Variants in SLC6A20 observed in about 807,000 individuals in gnomAD.
SLC6A20 encodes solute carrier family 6 member 20.
Under a neutral mutation model 64.3 loss-of-function variants are expected in SLC6A20, and 73 were observed. That is an observed-to-expected ratio of 1.14 (90% confidence interval 0.94 to 1.38). The LOEUF (loss-of-function observed/expected upper bound fraction) is 1.38, where lower values mean the gene tolerates loss of function less well. Ranked by LOEUF, SLC6A20 falls within the 40% of genes most tolerant of loss-of-function variation. The pLI is 0.00. For missense variants in SLC6A20, 725 were observed against 772.8 expected (o/e 0.94, Z 0.73); for synonymous variants, 347 against 329.6 (o/e 1.05, Z -0.57).
chr3:45,784,855 A>T (rs1288928886), intron 1 of SLC6A20, among the ~76,000 whole-genome samples: 1 of 152,122 alleles, frequency 6.6e-6, no homozygotes. Context: ...GCATCATCCC[A>T]TGGCAGGAGG....
intron 8 of SLC6A20, among the ~76,000 whole-genome samples, chr3:45,764,842 C>A (rs1699749114): frequency 6.6e-6 from 1 of 151,840 alleles, no homozygotes; most frequent in Non-Finnish European, 1.5e-5. Flanking sequence ...TGTATCTTGA[C>A]CTAGGTGGTG....
At chr3:45,778,512 C>G (rs1207759411) in intron 3 of SLC6A20, among the ~76,000 whole-genome samples, 1 of 152,130 alleles carries the variant, frequency 6.6e-6, no homozygotes, top group Non-Finnish European at 1.5e-5. Flanking sequence ...ATCGCTGGCC[C>G]CCATACTTCT....
At chr3:45,771,156 G>C in intron 6 of SLC6A20, 61 bp downstream of exon 6, 3 of 1,606,956 alleles carry the variant, frequency 1.9e-6, no homozygotes, top group Middle Eastern at 1.7e-4. Context: ...CCCTTGCCCA[G>C]GCGACCCTTC....
chr3:45,792,234 G>A (rs1700266167), intron 1 of SLC6A20, among the ~76,000 whole-genome samples: 1 of 152,190 alleles, frequency 6.6e-6, no homozygotes, highest in Admixed American at 6.5e-5. Context: ...GGGGGTCCTA[G>A]AAAGGCCTGG....
chr3:45,783,153 C>G (rs1429679242), intron 1 of SLC6A20, among the ~76,000 whole-genome samples: 1 of 152,194 alleles, frequency 6.6e-6, no homozygotes, highest in African/African-American at 2.4e-5. Flanking sequence ...AGCAACTCTG[C>G]TCCCTGCCCT....
rs577430886 is a variant in SLC6A20 at position 45,756,748 on chromosome 3, G to A, written c.*2230C>T. 1 of 152,198 alleles carries A rather than the reference G, an allele frequency of 6.6e-6. No homozygotes were observed. Among genetic ancestry groups the A allele is most frequent in the Non-Finnish European group, 1.5e-5 (1 of 68,040 alleles). The allele number at this position is 152,198 out of a possible 1,614,324, so 9.4% of individuals were successfully genotyped here. On this transcript the variant is annotated 3_prime_UTR_variant, in exon 11 of 11. Transcript: ENST00000358525. ...AGGAAGGGACTCGCTCACTTTAGGG[G>A]TAACGACCTACTTTATTGCAGTTAA...
Position 45,762,950 on chromosome 3 carries a change from C to A in SLC6A20, c.1426G>T (p.Glu476Ter). 1 of 1,614,154 alleles carries A rather than the reference C, an allele frequency of 6.2e-7. No homozygotes were observed. The highest frequency in any genetic ancestry group is 8.5e-7 in the Non-Finnish European group (1 of 1,180,042). ...TLSLLLIVLV[E>*]TIAVCYVYGL... ...TACACGTAGCACACGGCAATCGTCT[C>A]CACCAGCACGATGAGCAGCAGGGAC... The change falls in exon 9 of 11, where the codon GAG becomes TAG. Residue 476 changes from glutamate (E) to a stop codon, truncating the protein, a stop_gained. Coordinates refer to ENST00000358525, the MANE Select transcript of SLC6A20 (RefSeq NM_020208.4). LOFTEE classifies it high-confidence loss of function.
chr3:45,765,873 T>G lies in SLC6A20; in HGVS notation c.1099-132A>C. On this transcript the variant is annotated intron_variant, in intron 7 of 10. Coordinates refer to ENST00000358525, the MANE Select transcript of SLC6A20 (RefSeq NM_020208.4). This position sits in a 1 kb window ranked among gnomAD's most constrained non-coding sequence, Gnocchi z 4.2. ...CCACATTGTGAGGTTGGAGCTTCCA[T>G]CTGCAGATCAACCCCTTACACTCAG... 1.1e-6 allele frequency: 1 copy of G among 924,914 alleles called. No homozygotes were observed. The highest frequency in any genetic ancestry group is 2.6e-5 in the East Asian group (1 of 38,602). 57.3% of individuals were successfully genotyped at this position (924,914 alleles called of 1,614,324 possible).
intron 7 of SLC6A20, among the ~76,000 whole-genome samples, chr3:45,768,585 G>A (rs1002056834): frequency 6.6e-6 from 1 of 152,212 alleles, no homozygotes; most frequent in Non-Finnish European, 1.5e-5. Context: ...GCAGGCTCAT[G>A]CCACAGGCCA....
At chr3:45,777,322 A>G (rs1287663108) in intron 3 of SLC6A20, among the ~76,000 whole-genome samples, 1 of 149,394 alleles carries the variant, frequency 6.7e-6, no homozygotes, top group Admixed American at 6.7e-5. Flanking sequence ...CCACCCCTGC[A>G]ATACCTCCCC....
At chr3:45,786,622 G>A (rs1487782916) in intron 1 of SLC6A20, among the ~76,000 whole-genome samples, 3 of 152,300 alleles carry the variant, frequency 2.0e-5, no homozygotes, top group African/African-American at 7.2e-5. Flanking sequence ...TCTCCCCTTA[G>A]AAATAATTAT....
chr3:45,794,357 C>T (rs1261627812), intron 1 of SLC6A20, among the ~76,000 whole-genome samples: 6 of 152,166 alleles, frequency 3.9e-5, no homozygotes, highest in African/African-American at 9.7e-5. Flanking sequence ...GTGGACTGTT[C>T]GGTCTTTATT....
chr3:45,771,517 C>T, intron 5 of SLC6A20, 59 bp from the exon 6 acceptor site: 1 of 1,604,488 alleles, frequency 6.2e-7, no homozygotes, highest in Non-Finnish European at 8.5e-7. Context: ...AATGCTCAGA[C>T]CCGCAACAGG....
intron 6 of SLC6A20, 85 bp downstream of exon 6, chr3:45,771,132 G>A (rs998704323): frequency 9.5e-6 from 15 of 1,574,990 alleles, no homozygotes; most frequent in Admixed American, 1.8e-5. Flanking sequence ...CAAAACTGGT[G>A]CACTTTGCCC....
intron 5 of SLC6A20, 115 bp downstream of exon 5, chr3:45,772,390 A>T: frequency 1.1e-6 from 1 of 901,098 alleles, no homozygotes; most frequent in African/African-American, 1.7e-5. Flanking sequence ...GGCTCACATC[A>T]GCTTCCGTAG....
rs1478412814 is a variant in SLC6A20, at chr3:45,796,478, C to A, written c.-59G>T. On this transcript the variant is annotated 5_prime_UTR_variant, in exon 1 of 11. Transcript: ENST00000358525. ...GGGGTCCGGCACGGCAGTCTCAGTG[C>A]GCGGTCGCCAGGCGCGCCGTCCCAC... 2 of 1,538,618 alleles carry A rather than the reference C, an allele frequency of 1.3e-6. No individual in the cohort carries two copies. Among genetic ancestry groups the A allele is most frequent in the South Asian group, 1.2e-5 (1 of 82,632 alleles).
intron 5 of SLC6A20, 77 bp from the exon 6 acceptor site, chr3:45,771,535 C>T (rs1699868071): frequency 2.5e-6 from 4 of 1,585,166 alleles, no homozygotes; most frequent in Non-Finnish European, 2.6e-6. Context: ...AGGAGAGTAG[C>T]CCAGAGAGGG....
At position 45,762,987 on chromosome 3, in the gene SLC6A20, G is replaced by T; in HGVS notation, c.1389C>A (p.Tyr463Ter). 1 of 1,614,130 alleles carries T rather than the reference G, an allele frequency of 6.2e-7. No individual in the cohort carries two copies. Among genetic ancestry groups the T allele is most frequent in the Non-Finnish European group, 8.5e-7 (1 of 1,180,034 alleles). The change falls in exon 9 of 11, where the codon TAC (tyrosine) becomes TAA (stop). Residue 463 changes from tyrosine (Y) to a stop codon, truncating the protein, a stop_gained. Coordinates refer to ENST00000358525, the MANE Select transcript of SLC6A20 (RefSeq NM_020208.4). LOFTEE classifies it high-confidence loss of function. ...GNYWFDIFND[Y>*]AATLSLLLIV... is the part of the protein sequence containing the mutation. ...TGAGCAGCAGGGACAGTGTGGCCGC[G>T]TAGTCGTTGAATATGTCAAACCAGT...
chr3:45,771,832 A>C, intron 5 of SLC6A20: 2 of 251,622 alleles, frequency 7.9e-6, no homozygotes, highest in Non-Finnish European at 7.7e-6. Flanking sequence ...AAATAATTAA[A>C]ACACAAATGG....
Sources: allele counts gnomAD v4.1 joint callset (sites outside exome capture counted in the v4.1 genomes callset), GRCh38; gene constraint gnomAD v4.1.1; non-coding constraint Gnocchi (gnomAD v3.1); transcripts MANE v1.5; gene names NCBI Gene and HGNC (gene_info 2026-07-23, HGNC 2026-07-21).